RC3H1: variants seen among roughly 807,000 people sequenced by gnomAD.
RC3H1 encodes the protein ring finger and CCCH-type domains 1.
RC3H1 carries 50 observed loss-of-function variants against 138.2 expected under a neutral mutation model. That is an observed-to-expected ratio of 0.36 (90% CI 0.29 to 0.46). The LOEUF is 0.46. Among genes scored for constraint, RC3H1 ranks in the 20% least tolerant of loss-of-function variants. The pLI is 1.00. For missense variants in RC3H1, 1,031 were observed against 1,388.1 expected, an observed-to-expected ratio of 0.74 and a Z score of 4.09; for synonymous variants, 462 against 489.1, an observed-to-expected ratio of 0.94 and a Z score of 0.73.
intron 1 of RC3H1, among the ~76,000 whole-genome samples, 198 bp from the exon 2 acceptor site, chr1:173,993,333 T>A (rs1661373290): frequency 6.6e-6 from 1 of 152,074 alleles, no homozygotes. Flanking sequence ...AGATGGGAAG[T>A]AGTCCCCTGC....
At chr1:173,959,708 T>C (rs551198931) in intron 13 of RC3H1, among the ~76,000 whole-genome samples, 10 of 151,994 alleles carry the variant, frequency 6.6e-5, no homozygotes, top group Admixed American at 3.3e-4. Flanking sequence ...GAGGCGGTGG[T>C]TGCAGTGAGC....
chr1:173,973,475 G>A lies in RC3H1; in HGVS notation c.1103-848C>T, dbSNP rs112824913. Among the ~76,000 whole-genome samples, 600 of 150,830 alleles carry A rather than the reference G, an allele frequency of 4.0e-3. 4 individuals carry two copies. The highest frequency in any genetic ancestry group is 0.013 in the African/African-American group (520 of 40,758). On this transcript the variant is annotated intron_variant, in intron 7 of 19. Transcript: ENST00000367696. ...CGCTTGAACCCGGGAGGCGGAGGTTGCAGTGAGCCGAGATTGCACCACTGC... is the reference window on the plus strand; with the variant it reads ...CGCTTGAACCCGGGAGGCGGAGGTTACAGTGAGCCGAGATTGCACCACTGC...
chr1:173,957,449 T>C (rs1480164893), intron 13 of RC3H1, among the ~76,000 whole-genome samples: 7 of 152,236 alleles, frequency 4.6e-5, no homozygotes, highest in African/African-American at 1.7e-4. Flanking sequence ...GTTTTTACAA[T>C]GTCATATTGT....
chr1:173,980,300 A>C (rs1660760681), intron 6 of RC3H1, among the ~76,000 whole-genome samples: 2 of 151,268 alleles, frequency 1.3e-5, no homozygotes, highest in Non-Finnish European at 3.0e-5. Flanking sequence ...GTCTGGTAAA[A>C]GGTTAGTGTA....
chr1:173,948,580 A>G (rs115865736), intron 14 of RC3H1, among the ~76,000 whole-genome samples: 158 of 152,196 alleles, frequency 1.0e-3, no homozygotes, highest in African/African-American at 3.7e-3. Flanking sequence ...GAGGTTTTCA[A>G]TTACCTCTAG....
rs1661980396 is a variant in RC3H1, at chr1:174,022,161, A to G, written c.-216T>C. The G allele has an allele frequency of 7.6e-6, 3 of 394,762 alleles. No homozygotes were observed. The highest frequency in any genetic ancestry group is 8.9e-6 in the Non-Finnish European group (2 of 224,102). 24.5% of individuals were successfully genotyped at this position (394,762 alleles called of 1,614,324 possible). A position where few individuals can be genotyped will look rare whatever the true frequency, so the allele number is the denominator to read the frequency against. On this transcript the variant is annotated 5_prime_UTR_variant, in exon 1 of 20. Transcript: ENST00000367696. This position sits in a 1 kb window ranked among gnomAD's most constrained non-coding sequence, Gnocchi z 4.2. ...CCGCGGCCGTCGCCACCGCCGCGGC[A>G]GCCGCCGCCGCCGCCGAGGCCACCG...
intron 1 of RC3H1, among the ~76,000 whole-genome samples, chr1:173,995,393 C>A (rs1661437886): frequency 1.3e-5 from 2 of 151,728 alleles, no homozygotes; most frequent in South Asian, 4.2e-4. Context: ...ATTAGCCAGG[C>A]ATGGGGGCAC....
chr1:173,946,059 C>T (rs774484368), intron 17 of RC3H1, among the ~76,000 whole-genome samples: 1 of 151,982 alleles, frequency 6.6e-6, no homozygotes, highest in Non-Finnish European at 1.5e-5. Context: ...ACCCCAACCA[C>T]TCAGGAGGCT....
At chr1:174,011,273 A>T (rs979884307) in intron 1 of RC3H1, among the ~76,000 whole-genome samples, 12 of 151,392 alleles carry the variant, frequency 7.9e-5, no homozygotes, top group African/African-American at 2.7e-4. Flanking sequence ...AACTCAATTA[A>T]AAAAAAAACA....
chr1:173,944,957 A>C (rs1202559730), intron 17 of RC3H1, among the ~76,000 whole-genome samples: 1 of 152,078 alleles, frequency 6.6e-6, no homozygotes, highest in Non-Finnish European at 1.5e-5. Flanking sequence ...TGGTAGAAAG[A>C]CAGACTAATG....
intron 17 of RC3H1, among the ~76,000 whole-genome samples, chr1:173,945,276 C>T (rs1659084631): frequency 6.6e-6 from 1 of 152,050 alleles, no homozygotes; most frequent in South Asian, 2.1e-4. Context: ...CAGGCGTGCA[C>T]TACCATGCCT....
At chr1:173,954,254 T>A (rs1659540226) in intron 13 of RC3H1, among the ~76,000 whole-genome samples, 1 of 152,062 alleles carries the variant, frequency 6.6e-6, no homozygotes, top group East Asian at 1.9e-4. Flanking sequence ...CATAAAAAAA[T>A]AAATCCTGTC....
At chr1:173,956,337 A>G (rs567230617) in intron 13 of RC3H1, among the ~76,000 whole-genome samples, 1 of 152,218 alleles carries the variant, frequency 6.6e-6, no homozygotes, top group East Asian at 1.9e-4. Context: ...AAAATAAATA[A>G]AAGATAAATG....
Position 173,961,162 on chromosome 1 carries a change from A to G in RC3H1, c.2285T>C (p.Met762Thr), listed in dbSNP as rs1253619099. ...AACCTTTCTTTCCTCTAGCTGGGCCATTATTTCCTTTCGTCGGCGATGTAG... is the reference window on the plus strand; with the variant it reads ...AACCTTTCTTTCCTCTAGCTGGGCCGTTATTTCCTTTCGTCGGCGATGTAG... ...DELHRRRKEI[M>T]AQLEERKVIS... is the part of the protein sequence containing the mutation. The change falls in exon 13 of 20, where the codon ATG (methionine) becomes ACG (threonine). Residue 762 changes from methionine (M) to threonine (T), a missense_variant. By Grantham distance (81) the Met-to-Thr change is moderately conservative (BLOSUM62 -1). This residue lies in a region of RC3H1 where 716 missense variants were observed against 837.9 expected (regional missense o/e 0.85). Transcript: ENST00000367696. 1 of 1,614,050 alleles carries G rather than the reference A, an allele frequency of 6.2e-7. No individual in the cohort carries two copies. Among genetic ancestry groups the G allele is most frequent in the Non-Finnish European group, 8.5e-7 (1 of 1,179,992 alleles).
rs190955007 is a variant in RC3H1, at chr1:174,011,534, C to G, written c.-151+10562G>C. 1.2e-3 allele frequency among the ~76,000 whole-genome samples: 189 copies of G among 151,238 alleles called. 1 individual carries two copies. Among genetic ancestry groups the G allele is most frequent in the African/African-American group, 4.4e-3 (182 of 41,212 alleles). ...TACAGTACTTGAATGTGGAAGACTA[C>G]TACTTTTTAAGAGTCTCCACAAAAA... On this transcript the variant is annotated intron_variant, in intron 1 of 19. Transcript: ENST00000367696.
chr1:173,989,346 C>T, intron 2 of RC3H1, among the ~76,000 whole-genome samples: 1 of 151,358 alleles, frequency 6.6e-6, no homozygotes, highest in Non-Finnish European at 1.5e-5. Flanking sequence ...CAAGCATGTG[C>T]CACCACACCC....
In RC3H1 at chr1:173,975,834, C is replaced by T. The variant is rs1462299894; in HGVS notation, c.1102+2654G>A. On this transcript the variant is annotated intron_variant, in intron 7 of 19. Transcript: ENST00000367696. ...AATGGCGTGAACCCGGGAGGCGGAG[C>T]TTGCAGTGAGCCGAGATCCCGCCAC... Among the ~76,000 whole-genome samples, 11 of 53,602 alleles carry T rather than the reference C, an allele frequency of 2.1e-4. 1 individual carries two copies. Among genetic ancestry groups the T allele is most frequent in the Non-Finnish European group, 2.9e-4 (11 of 38,304 alleles). The allele number at this position is 53,602 out of a possible 152,430, so 35.2% of individuals were successfully genotyped here. A position where few individuals can be genotyped will look rare whatever the true frequency, so the allele number is the denominator to read the frequency against.
intron 18 of RC3H1, among the ~76,000 whole-genome samples, chr1:173,941,940 GAA>G (rs57487234): frequency 7.1e-4 from 70 of 98,200 alleles, no homozygotes; most frequent in African/African-American, 1.8e-3. Context: ...TCAAAAAAAG[GAA>G]AAAAAAAAAA....
At chr1:173,969,508 A>T (rs950510756) in intron 9 of RC3H1, 1 of 151,686 alleles carries the variant, frequency 6.6e-6, no homozygotes, top group Non-Finnish European at 1.5e-5. Flanking sequence ...TACTTGCAGT[A>T]GATTTGCAGT....
Sources: allele counts gnomAD v4.1 joint callset (sites outside exome capture counted in the v4.1 genomes callset), GRCh38; gene constraint gnomAD v4.1.1; regional missense constraint gnomAD v4.1.1; non-coding constraint Gnocchi (gnomAD v3.1); transcripts MANE v1.5; gene names NCBI Gene and HGNC (gene_info 2026-07-23, HGNC 2026-07-21).